The following AUTS2 variants were observed in gnomAD, a reference collection of about 807,000 sequenced individuals.
AUTS2 encodes autism susceptibility gene 2 protein.
Under a neutral mutation model 112.4 loss-of-function variants are expected in AUTS2, and 17 were observed. That is an observed-to-expected ratio of 0.15 (90% CI 0.10 to 0.23). AUTS2 has a LOEUF of 0.23. AUTS2 is among the 10% of genes least tolerant of loss of function. The pLI is 1.00. For synonymous variants in AUTS2, 751 were observed against 702.7 expected (o/e 1.07, Z -1.09); for missense variants, 1,510 against 1,701.6 (o/e 0.89, Z 1.98).
intron 2 of AUTS2, among the ~76,000 whole-genome samples, chr7:70,011,605 T>C (rs911666234): frequency 6.6e-6 from 1 of 152,182 alleles, no homozygotes; most frequent in Non-Finnish European, 1.5e-5. Context: ...CTGAGCCCCA[T>C]GGAAACCTTC....
At chr7:69,722,174 A>C (rs1306481553) in intron 1 of AUTS2, among the ~76,000 whole-genome samples, 1 of 151,862 alleles carries the variant, frequency 6.6e-6, no homozygotes, top group Non-Finnish European at 1.5e-5. Flanking sequence ...AATAAAAAGC[A>C]ATTCTGTTTA....
chr7:70,607,918 G>A (rs1017915285), intron 5 of AUTS2, among the ~76,000 whole-genome samples: 1 of 152,132 alleles, frequency 6.6e-6, no homozygotes, highest in Non-Finnish European at 1.5e-5. Context: ...TGGAATGTTG[G>A]TGGTCAATGT....
chr7:70,409,745 G>C (rs972608872), intron 4 of AUTS2, among the ~76,000 whole-genome samples: 11 of 152,160 alleles, frequency 7.2e-5, no homozygotes, highest in Non-Finnish European at 1.5e-4. Context: ...TATTTTTCAC[G>C]TATTATGCTA....
intron 2 of AUTS2, among the ~76,000 whole-genome samples, chr7:69,974,974 A>T (rs551534298): frequency 4.6e-5 from 7 of 150,994 alleles, no homozygotes; most frequent in Admixed American, 4.6e-4. Flanking sequence ...TCTTTTAGCT[A>T]TTTTTTTTTA....
At chr7:70,052,530 C>G (rs2129559467) in intron 2 of AUTS2, among the ~76,000 whole-genome samples, 1 of 152,310 alleles carries the variant, frequency 6.6e-6, no homozygotes, top group South Asian at 2.1e-4. Flanking sequence ...ATGAAGGTGG[C>G]TGGCTGAGGT....
rs759617355 is a variant in AUTS2, at chr7:70,134,586, A to G, written c.660+15A>G. 1.9e-6 allele frequency: 3 copies of G among 1,612,384 alleles called. No homozygotes were observed. Among genetic ancestry groups the G allele is most frequent in the South Asian group, 1.1e-5 (1 of 91,038 alleles). On this transcript the variant is annotated intron_variant, in intron 4 of 18. Coordinates refer to ENST00000342771, the MANE Select transcript of AUTS2 (RefSeq NM_015570.4). Reference sequence around the variant, plus strand: ...CAGGCTACTTCGTAAGTCTATCTCAACTTCCACATATGTGCCTTGCATTGG... The same window carrying G: ...CAGGCTACTTCGTAAGTCTATCTCAGCTTCCACATATGTGCCTTGCATTGG...
rs551762374 is a variant in AUTS2 at position 70,699,352 on chromosome 7, G to A, written c.742+732G>A. ...TCTTCCCCTTTCCACTGTCGAGCCTGATTTAGGGGCTGGCATGATAATTGC... is the reference window on the plus strand; with the variant it reads ...TCTTCCCCTTTCCACTGTCGAGCCTAATTTAGGGGCTGGCATGATAATTGC... On this transcript the variant is annotated intron_variant, in intron 6 of 18. Transcript: ENST00000342771. 2.0e-5 allele frequency: 3 copies of A among 152,300 alleles called. No homozygotes were observed. In the East Asian group the frequency reaches 5.8e-4, roughly 29 times the overall value. The allele number at this position is 152,300 out of a possible 1,614,324, so 9.4% of individuals were successfully genotyped here.
chr7:69,823,163 T>TAC (rs1207554483), intron 1 of AUTS2, among the ~76,000 whole-genome samples: 2 of 152,222 alleles, frequency 1.3e-5, no homozygotes, highest in East Asian at 3.8e-4. Context: ...TTGAGTTTCC[T>TAC]TTCAGCAACC....
At chr7:69,707,811 C>G (rs868180141) in intron 1 of AUTS2, among the ~76,000 whole-genome samples, 37 of 152,208 alleles carry the variant, frequency 2.4e-4, no homozygotes, top group African/African-American at 7.5e-4. Context: ...CCTAATAACA[C>G]TAACTTTCTT....
rs535671447 is a variant in AUTS2, at chr7:70,766,090, C to T, written c.1469-24C>T. ...CCTTTTCTGAAGGAAAAGGCGTCAT[C>T]GTCTCCCTCTTCTTCTCTTCCAGAG... On this transcript the variant is annotated intron_variant, in intron 8 of 18. Transcript: ENST00000342771. This position sits in a 1 kb window ranked among gnomAD's most constrained non-coding sequence, Gnocchi z 4.8. 58 of 1,605,020 alleles carry T rather than the reference C, an allele frequency of 3.6e-5. No individual in the cohort carries two copies. The East Asian group carries it at 4.9e-4, about 14-fold the overall frequency.
intron 6 of AUTS2, among the ~76,000 whole-genome samples, chr7:70,742,703 A>C (rs1788188572): frequency 6.6e-6 from 1 of 152,198 alleles, no homozygotes; most frequent in Admixed American, 6.5e-5. Context: ...CAGAGGTTGC[A>C]GTGAGCCGAG....
At chr7:69,869,348 C>T (rs1455530116) in intron 1 of AUTS2, among the ~76,000 whole-genome samples, 1 of 152,050 alleles carries the variant, frequency 6.6e-6, no homozygotes, top group East Asian at 1.9e-4. Flanking sequence ...CCTATCAGTG[C>T]TTGAAATTCC....
intron 6 of AUTS2, among the ~76,000 whole-genome samples, chr7:70,742,110 T>C (rs1788149147): frequency 6.6e-6 from 1 of 152,234 alleles, no homozygotes; most frequent in Non-Finnish European, 1.5e-5. Context: ...GCTTGATCAG[T>C]AAAGCATCTT....
chr7:69,755,300 C>T (rs994589898), intron 1 of AUTS2, among the ~76,000 whole-genome samples: 6 of 152,174 alleles, frequency 3.9e-5, no homozygotes, highest in Admixed American at 2.0e-4. Flanking sequence ...GCACAAAGCA[C>T]CGTGGTATCT....
intron 5 of AUTS2, among the ~76,000 whole-genome samples, chr7:70,667,312 C>A (rs1391664624): frequency 2.6e-5 from 4 of 152,128 alleles, no homozygotes; most frequent in Non-Finnish European, 5.9e-5. Flanking sequence ...GGCTTTCTCC[C>A]ATCATCAGCA....
At chr7:70,277,926 T>A (rs952206283) in intron 4 of AUTS2, among the ~76,000 whole-genome samples, 12 of 129,088 alleles carry the variant, frequency 9.3e-5, no homozygotes, top group Non-Finnish European at 1.7e-4. Flanking sequence ...CCTTGTGTAT[T>A]TGTGTGTGTG....
intron 4 of AUTS2, among the ~76,000 whole-genome samples, chr7:70,323,304 G>T (rs546330560): frequency 1.3e-5 from 2 of 152,328 alleles, no homozygotes; most frequent in Non-Finnish European, 2.9e-5. Flanking sequence ...AAGTGGAAAG[G>T]AGACGGATGG....
At chr7:70,062,689 T>G (rs1278697563) in intron 2 of AUTS2, among the ~76,000 whole-genome samples, 1 of 152,208 alleles carries the variant, frequency 6.6e-6, no homozygotes, top group African/African-American at 2.4e-5. Context: ...TTCTAAGCTC[T>G]TGGTTGGAAT....
intron 2 of AUTS2, among the ~76,000 whole-genome samples, chr7:70,024,283 C>A (rs750689363): frequency 6.6e-6 from 1 of 152,204 alleles, no homozygotes; most frequent in Non-Finnish European, 1.5e-5. Flanking sequence ...TGCTTTCAAA[C>A]AAGCAGGTAC....
Sources: allele counts gnomAD v4.1 joint callset (sites outside exome capture counted in the v4.1 genomes callset), GRCh38; gene constraint gnomAD v4.1.1; non-coding constraint Gnocchi (gnomAD v3.1); transcripts MANE v1.5; gene names NCBI Gene and HGNC (gene_info 2026-07-23, HGNC 2026-07-21).